Variants in ZNF611 observed in about 807,000 individuals in gnomAD.
ZNF611 encodes the protein zinc finger protein 611.
ZNF611 carries 6 observed loss-of-function variants against 8.9 expected under a neutral mutation model. The observed-to-expected ratio is 0.68, with a 90% CI of 0.37 to 1.34. ZNF611 has a LOEUF of 1.34. Among genes scored for constraint, ZNF611 ranks in the 40% most tolerant of loss-of-function variants. ZNF611 has a pLI of 0.02. For missense variants in ZNF611, 874 were observed against 841.3 expected, an observed-to-expected ratio of 1.04 and a Z score of -0.48; for synonymous variants, 262 against 279.7, an observed-to-expected ratio of 0.94 and a Z score of 0.63.
At chr19:52,724,412 T>C (rs923015612) in intron 3 of ZNF611, 3 of 152,420 alleles carry the variant, frequency 2.0e-5, no homozygotes, top group Admixed American at 2.0e-4. Flanking sequence ...GAGCACAGGG[T>C]TGCGGCTAGG....
At chr19:52,727,949 G>A (rs1600333799) in intron 3 of ZNF611, among the ~76,000 whole-genome samples, 1 of 118,768 alleles carries the variant, frequency 8.4e-6, no homozygotes, top group Admixed American at 1.2e-4. Context: ...TCGCTTTGTT[G>A]CCCAGGCTGC....
chr19:52,727,822 T>A (rs2062401804), intron 3 of ZNF611, among the ~76,000 whole-genome samples: 1 of 151,968 alleles, frequency 6.6e-6, no homozygotes, highest in South Asian at 2.1e-4. Context: ...TATTTACAGG[T>A]CCATAGCTTT....
rs1462096398 is a variant in ZNF611 at position 52,705,651 on chromosome 19, T to G, written c.1404A>C (p.Gln468His). ...AGTCAATTCTAGTATGTTTTGCCAG[T>G]TGTGAACTCCACACAAAAGCCTTGT... ...VCDKAFVWSS[Q>H]LAKHTRIDCG... The change falls in exon 6 of 6, where the codon CAA (glutamine) becomes CAC (histidine). Residue 468 changes from glutamine to histidine, a missense_variant. Transcript: ENST00000652185. 1 of 1,612,900 alleles carries G rather than the reference T, an allele frequency of 6.2e-7. No individual in the cohort carries two copies. The highest frequency in any genetic ancestry group is 1.7e-5 in the Admixed American group (1 of 59,916).
chr19:52,723,695 G>A (rs1207962193), intron 3 of ZNF611: 1 of 152,192 alleles, frequency 6.6e-6, no homozygotes, highest in East Asian at 1.9e-4. Context: ...AGCATACGGA[G>A]GATCCGCACC....
chr19:52,722,906 T>C (rs1443736775), intron 3 of ZNF611, among the ~76,000 whole-genome samples: 1 of 16,688 alleles, frequency 6.0e-5, no homozygotes, highest in Non-Finnish European at 1.2e-4. Flanking sequence ...TTTGTTTTCG[T>C]TTTTTTTTTT....
At chr19:52,728,608 C>G (rs1212733084) in intron 3 of ZNF611, 122 bp downstream of exon 3, 1 of 152,116 alleles carries the variant, frequency 6.6e-6, no homozygotes, top group Admixed American at 6.6e-5. Flanking sequence ...TGCAAATTTT[C>G]TAAATAAATC....
rs567985016 is a variant in ZNF611, at chr19:52,732,201, C to T, written c.-221-2196G>A. On this transcript the variant is annotated intron_variant, in intron 1 of 5. Coordinates refer to ENST00000652185, the MANE Select transcript of ZNF611 (RefSeq NM_001161499.2). The stretch of plus-strand genomic sequence containing the variant: ...AGGAGAATGGCGTGAACCCGGGAGG[C>T]GGAGCTTGCAGTGAGCTGAGATCGT... Among the ~76,000 whole-genome samples, 373 of 151,922 alleles carry T rather than the reference C, an allele frequency of 2.5e-3. 8 individuals are homozygous for T. The highest frequency in any genetic ancestry group is 8.4e-3 in the African/African-American group (348 of 41,396).
At chr19:52,709,565 C>T (rs2062266668) in intron 5 of ZNF611, among the ~76,000 whole-genome samples, 2 of 151,714 alleles carry the variant, frequency 1.3e-5, no homozygotes, top group Non-Finnish European at 2.9e-5. Flanking sequence ...CCACCATGCC[C>T]GGACTCTTTA....
chr19:52,730,473 G>A (rs1038465381), intron 1 of ZNF611, among the ~76,000 whole-genome samples: 1 of 150,620 alleles, frequency 6.6e-6, no homozygotes, highest in Non-Finnish European at 1.5e-5. Flanking sequence ...CAAAAGCGAT[G>A]TTCAGAGTTG....
intron 3 of ZNF611, among the ~76,000 whole-genome samples, chr19:52,717,191 A>G (rs1018073101): frequency 1.3e-5 from 2 of 152,184 alleles, no homozygotes; most frequent in African/African-American, 4.8e-5. Context: ...TTGATGTCTC[A>G]TGTCTCCATA....
chr19:52,729,514 A>AAAAAAAAG (rs1453807394), intron 2 of ZNF611, among the ~76,000 whole-genome samples: 115 of 148,562 alleles, frequency 7.7e-4, no homozygotes, highest in Non-Finnish European at 1.2e-3. Context: ...AAAAAAAAAA[A>AAAAAAAAG]AAAAGAAAAG....
intron 3 of ZNF611, among the ~76,000 whole-genome samples, chr19:52,725,722 G>A (rs562922464): frequency 1.3e-5 from 2 of 152,238 alleles, no homozygotes; most frequent in Admixed American, 1.3e-4. Context: ...CAAAACTCAC[G>A]CGCCTCGGTA....
At chr19:52,709,693 G>A (rs1416540016) in intron 5 of ZNF611, among the ~76,000 whole-genome samples, 1 of 152,028 alleles carries the variant, frequency 6.6e-6, no homozygotes, top group African/African-American at 2.4e-5. Flanking sequence ...TCAGCCACCC[G>A]AGTAGCTGGG....
At chr19:52,707,236 C>G (rs2062251649) in intron 5 of ZNF611, among the ~76,000 whole-genome samples, 1 of 145,268 alleles carries the variant, frequency 6.9e-6, no homozygotes, top group Admixed American at 6.9e-5. Context: ...CATATTTACT[C>G]TATACAAATA....
rs372056346 is a variant in ZNF611, at chr19:52,722,905, GTTT to G, written c.-20+5822_-20+5824del. ...ATTATCATGCCTGGTTTTTGTTTTC[GTTT>G]TTTTTTTTTTTTTTTTGATAGAGAT... is the stretch of plus-strand genomic sequence containing the variant. On this transcript the variant is annotated intron_variant, in intron 3 of 5. Coordinates refer to ENST00000652185, the MANE Select transcript of ZNF611 (RefSeq NM_001161499.2). 2.4e-3 allele frequency among the ~76,000 whole-genome samples: 286 copies of G among 119,976 alleles called. 3 individuals carry two copies. The highest frequency in any genetic ancestry group is 6.5e-3 in the African/African-American group (212 of 32,370). The allele number at this position is 119,976 out of a possible 152,430, so 78.7% of individuals were successfully genotyped here.
intron 3 of ZNF611, chr19:52,716,144 G>A: frequency 2.0e-6 from 1 of 500,742 alleles, no homozygotes; most frequent in Non-Finnish European, 3.6e-6. Context: ...ACACGAGGCA[G>A]CAGTGGGGAG....
At chr19:52,731,589 G>A (rs921162523) in intron 1 of ZNF611, among the ~76,000 whole-genome samples, 2 of 151,628 alleles carry the variant, frequency 1.3e-5, no homozygotes, top group African/African-American at 4.8e-5. Context: ...GGCTGGTATC[G>A]AACTCCTGAC....
intron 5 of ZNF611, among the ~76,000 whole-genome samples, chr19:52,711,624 G>A (rs954942021): frequency 6.6e-6 from 1 of 152,108 alleles, no homozygotes; most frequent in Non-Finnish European, 1.5e-5. Context: ...GGACACAAGC[G>A]CTGAGCTGCG....
intron 1 of ZNF611, among the ~76,000 whole-genome samples, chr19:52,733,329 C>T (rs2062437029): frequency 6.6e-6 from 1 of 152,112 alleles, no homozygotes. Context: ...GAGACAAGGT[C>T]TCGCTCTGAC....
Sources: gnomAD v4.1 joint callset for allele counts (sites outside exome capture counted in the v4.1 genomes callset) on GRCh38, gnomAD v4.1.1 for gene constraint, MANE v1.5 for transcripts, NCBI Gene and HGNC (gene_info 2026-07-23, HGNC 2026-07-21) for gene names.